Variants in LRP1B observed in about 807,000 individuals in gnomAD.
The protein encoded by LRP1B is LDL receptor related protein 1B.
In LRP1B, 217 loss-of-function variants were observed where a neutral mutation model predicts 556.6. The ratio of observed to expected loss-of-function variants is 0.39; its 90% CI spans 0.35 to 0.44. The LOEUF is 0.44. LRP1B is among the 20% of genes least tolerant of loss of function. The pLI is 1.00. For synonymous variants in LRP1B, 2,047 were observed against 1,865.8 expected (o/e 1.10, Z -2.50); for missense variants, 5,053 against 5,620.8 (o/e 0.90, Z 3.23).
chr2:140,461,756 C>T (rs1299541050), intron 60 of LRP1B, among the ~76,000 whole-genome samples: 1 of 151,962 alleles, frequency 6.6e-6, no homozygotes, highest in Non-Finnish European at 1.5e-5. Context: ...ATCCCTTGAA[C>T]CCGGGAGGCA....
intron 7 of LRP1B, among the ~76,000 whole-genome samples, chr2:141,096,503 G>A (rs989662388): frequency 2.0e-5 from 3 of 151,892 alleles, no homozygotes; most frequent in East Asian, 3.9e-4. Context: ...CAGGAGAATC[G>A]CTTGAATTGC....
chr2:141,170,991 C>T (rs1260768441), intron 7 of LRP1B, among the ~76,000 whole-genome samples: 11 of 152,022 alleles, frequency 7.2e-5, no homozygotes, highest in African/African-American at 1.4e-4. Context: ...TTTTTCCCTT[C>T]CTTAAAAAAT....
chr2:141,973,126 C>T lies in LRP1B; in HGVS notation c.82+157522G>A, dbSNP rs1157196544. 3.3e-5 allele frequency among the ~76,000 whole-genome samples: 5 copies of T among 151,430 alleles called. 1 individual carries two copies. Among genetic ancestry groups the T allele is most frequent in the African/African-American group, 1.2e-4 (5 of 41,342 alleles). ...GCTGAAATAACAAATTTATTTCCAGCTATAGTGGGAATTTACATATGAACA... is the reference window on the plus strand; with the variant it reads ...GCTGAAATAACAAATTTATTTCCAGTTATAGTGGGAATTTACATATGAACA... On this transcript the variant is annotated intron_variant, in intron 1 of 90. Transcript: ENST00000389484.
chr2:141,191,298 G>T (rs1681494598), intron 6 of LRP1B, among the ~76,000 whole-genome samples: 1 of 151,852 alleles, frequency 6.6e-6, no homozygotes, highest in Admixed American at 6.6e-5. Flanking sequence ...GTCCCAGCTG[G>T]AGAACTTAAA....
chr2:140,964,628 G>A (rs1333485610), intron 18 of LRP1B, among the ~76,000 whole-genome samples: 1 of 149,816 alleles, frequency 6.7e-6, no homozygotes, highest in Non-Finnish European at 1.5e-5. Flanking sequence ...ATCTCTGTAT[G>A]GCCTGGTTTT....
chr2:141,908,218 G>T (rs1197502517), intron 1 of LRP1B, among the ~76,000 whole-genome samples: 1 of 151,962 alleles, frequency 6.6e-6, no homozygotes, highest in African/African-American at 2.4e-5. Flanking sequence ...TTGTTCATTT[G>T]TCATCATATG....
chr2:141,209,490 T>C (rs890103689), intron 6 of LRP1B, among the ~76,000 whole-genome samples: 4 of 152,242 alleles, frequency 2.6e-5, no homozygotes, highest in Admixed American at 6.5e-5. Context: ...TATCTTCTTA[T>C]CAGCAGTGTG....
intron 41 of LRP1B, among the ~76,000 whole-genome samples, chr2:140,693,535 C>G (rs1279732042): frequency 6.6e-6 from 1 of 152,086 alleles, no homozygotes; most frequent in Non-Finnish European, 1.5e-5. Context: ...GATAATTTTC[C>G]ATGGCTATGG....
In LRP1B at chr2:141,013,748, G is replaced by A. The variant is rs913403045; in HGVS notation, c.2191-3C>T. On this transcript the variant is annotated splice_region_variant and splice_polypyrimidine_tract_variant and intron_variant, in intron 13 of 90. Coordinates refer to ENST00000389484, the MANE Select transcript of LRP1B (RefSeq NM_018557.3). ...AACTCTCTCCCACTGTAAACAATCT[G>A]TAAAATATAAACACATTGTGAAAAA... is the stretch of plus-strand genomic sequence containing the variant. 2.0e-6 allele frequency: 3 copies of A among 1,538,186 alleles called. No individual in the cohort carries two copies. The highest frequency in any genetic ancestry group is 2.6e-6 in the Non-Finnish European group (3 of 1,144,304).
intron 66 of LRP1B, 152 bp from the exon 67 acceptor site, chr2:140,386,161 A>G: frequency 4.8e-6 from 3 of 624,396 alleles, no homozygotes; most frequent in Non-Finnish European, 2.8e-6. Context: ...GCAAGTGCTG[A>G]GGAAAATATA....
intron 7 of LRP1B, among the ~76,000 whole-genome samples, chr2:141,150,469 T>G (rs2105081080): frequency 6.6e-6 from 1 of 152,304 alleles, no homozygotes; most frequent in East Asian, 1.9e-4. Flanking sequence ...CTCTATTTGG[T>G]CATTAATCAA....
At chr2:140,449,840 T>G (rs576658399) in intron 63 of LRP1B, among the ~76,000 whole-genome samples, 12 of 152,260 alleles carry the variant, frequency 7.9e-5, no homozygotes, top group Non-Finnish European at 1.8e-4. Flanking sequence ...TGTACTGGGA[T>G]GTTGAGGGAA....
intron 43 of LRP1B, among the ~76,000 whole-genome samples, chr2:140,583,809 C>T (rs959109102): frequency 7.9e-5 from 12 of 151,834 alleles, no homozygotes; most frequent in African/African-American, 2.9e-4. Context: ...AATAAAAGAT[C>T]TTGTTATAAT....
chr2:141,183,645 T>C (rs942055630), intron 7 of LRP1B, among the ~76,000 whole-genome samples: 17 of 152,144 alleles, frequency 1.1e-4, no homozygotes, highest in African/African-American at 4.1e-4. Flanking sequence ...ATTCACTGTC[T>C]GCAAGTCAAA....
intron 41 of LRP1B, among the ~76,000 whole-genome samples, chr2:140,687,916 C>A (rs570836557): frequency 6.6e-6 from 1 of 152,256 alleles, no homozygotes; most frequent in South Asian, 2.1e-4. Context: ...ATTTTGAATT[C>A]ATCACCCAGC....
At chr2:141,064,838 A>T (rs894634354) in intron 7 of LRP1B, among the ~76,000 whole-genome samples, 1 of 151,960 alleles carries the variant, frequency 6.6e-6, no homozygotes, top group Non-Finnish European at 1.5e-5. Flanking sequence ...AATATTTAAA[A>T]TTCAACTATG....
At chr2:141,008,421 AATT>A (rs1255279515) in intron 14 of LRP1B, among the ~76,000 whole-genome samples, 50 of 151,100 alleles carry the variant, frequency 3.3e-4, no homozygotes, top group African/African-American at 1.2e-3. Context: ...TAATCATTAT[AATT>A]ATTTATAAAT....
chr2:141,326,405 T>C (rs1165228841), intron 3 of LRP1B, among the ~76,000 whole-genome samples: 1 of 152,046 alleles, frequency 6.6e-6, no homozygotes, highest in Non-Finnish European at 1.5e-5. Context: ...TAATATTATA[T>C]TATAAAGCAG....
chr2:140,836,666 T>C (rs1252059629), intron 31 of LRP1B, among the ~76,000 whole-genome samples: 7 of 152,134 alleles, frequency 4.6e-5, no homozygotes, highest in African/African-American at 1.4e-4. Context: ...CTTGTGGGTG[T>C]CTAAAATAAG....
Sources: gnomAD v4.1 joint callset for allele counts (sites outside exome capture counted in the v4.1 genomes callset) on GRCh38, gnomAD v4.1.1 for gene constraint, MANE v1.5 for transcripts, NCBI Gene and HGNC (gene_info 2026-07-23, HGNC 2026-07-21) for gene names.